The following MGAT3 variants were observed in gnomAD, a reference collection of about 807,000 sequenced individuals.
MGAT3 encodes beta-1,4-mannosyl-glycoprotein 4-beta-N-acetylglucosaminyltransferase, also known as GlcNAc-T III.
A neutral mutation model predicts 29.8 loss-of-function variants in MGAT3; 9 were observed. The ratio of observed to expected loss-of-function variants is 0.30; its 90% CI spans 0.18 to 0.53. MGAT3 has a LOEUF of 0.53. Among genes scored for constraint, MGAT3 ranks in the 20% least tolerant of loss-of-function variants. The pLI, the probability that MGAT3 is intolerant of heterozygous loss-of-function variation, is 0.96. For missense variants in MGAT3, 557 were observed against 769.5 expected (o/e 0.72, Z 3.27); for synonymous variants, 397 against 348.9 (o/e 1.14, Z -1.54).
chr22:39,465,371 C>T (rs1036618806), intron 1 of MGAT3, among the ~76,000 whole-genome samples: 1 of 152,182 alleles, frequency 6.6e-6, no homozygotes, highest in Admixed American at 6.5e-5. Context: ...GGCTGATACC[C>T]TGGGCTCAGC....
At chr22:39,470,527 G>T (rs1309210722) in intron 1 of MGAT3, among the ~76,000 whole-genome samples, 1 of 152,196 alleles carries the variant, frequency 6.6e-6, no homozygotes, top group East Asian at 1.9e-4. Context: ...AGGGCCATGG[G>T]AGGGCTTGAG....
intron 1 of MGAT3, among the ~76,000 whole-genome samples, chr22:39,475,553 A>G (rs552134342): frequency 3.9e-5 from 6 of 152,202 alleles, no homozygotes; most frequent in Non-Finnish European, 5.9e-5. Context: ...AGCCTCTCTC[A>G]GCCAAGACCT....
chr22:39,467,080 A>C (rs542769055), intron 1 of MGAT3, among the ~76,000 whole-genome samples: 33 of 152,342 alleles, frequency 2.2e-4, no homozygotes, highest in Middle Eastern at 3.4e-3. Context: ...TGCATGCTAC[A>C]TGTGTATGCA....
At chr22:39,485,537 T>C (rs946680591) in intron 1 of MGAT3, among the ~76,000 whole-genome samples, 1 of 152,204 alleles carries the variant, frequency 6.6e-6, no homozygotes, top group East Asian at 1.9e-4. Context: ...ATGCCTGTAA[T>C]CTCAGCACTT....
At chr22:39,465,065 T>A (rs1420925275) in intron 1 of MGAT3, among the ~76,000 whole-genome samples, 1 of 152,184 alleles carries the variant, frequency 6.6e-6, no homozygotes, top group Non-Finnish European at 1.5e-5. Context: ...TCTGTCAGGC[T>A]TTATCTTTCT....
chr22:39,473,254 G>A lies in MGAT3; in HGVS notation c.-1-14093G>A, dbSNP rs550981837. ...TCTGTAAACAGCAGAACTTTCTCAC[G>A]GATCTGGAGGCTGGGAAGTCCAGGG... On this transcript the variant is annotated intron_variant, in intron 1 of 1. Coordinates refer to ENST00000341184, the MANE Select transcript of MGAT3 (RefSeq NM_002409.5). 2.6e-5 allele frequency among the ~76,000 whole-genome samples: 4 copies of A among 152,278 alleles called. No individual in the cohort carries two copies. The South Asian group carries it at 6.2e-4, about 24-fold the overall frequency.
At chr22:39,475,558 A>C (rs1840412145) in intron 1 of MGAT3, among the ~76,000 whole-genome samples, 1 of 152,092 alleles carries the variant, frequency 6.6e-6, no homozygotes, top group African/African-American at 2.4e-5. Flanking sequence ...CTCTCAGCCA[A>C]GACCTTGGCA....
chr22:39,486,875 T>C (rs569518470), intron 1 of MGAT3, among the ~76,000 whole-genome samples: 326 of 152,300 alleles, frequency 2.1e-3, no homozygotes, highest in Non-Finnish European at 2.4e-3. Flanking sequence ...TGAAAAAATA[T>C]TCAAAAGGTT....
At chr22:39,465,414 G>A (rs1928613268) in intron 1 of MGAT3, among the ~76,000 whole-genome samples, 3 of 152,176 alleles carry the variant, frequency 2.0e-5, no homozygotes, top group Non-Finnish European at 2.9e-5. Context: ...CTTGGGATAT[G>A]GGCACAAGTG....
Position 39,488,187 on chromosome 22 carries a change from C to T in MGAT3, c.840C>T (p.Gly280=). ...TCTTCCTGGACCACTTCCCGCCCGG[C>T]GGCCGGCAGGACGGCTGGATCGCCG... is the stretch of plus-strand genomic sequence containing the variant. ...LYVFLDHFPP[G]GRQDGWIADD... Residue 280 remains glycine, a synonymous_variant, in exon 2 of 2, where the codon GGC becomes GGT. Transcript: ENST00000341184. The T allele has an allele frequency of 6.2e-7, 1 of 1,612,946 alleles. No individual in the cohort carries two copies. The highest frequency in any genetic ancestry group is 8.5e-7 in the Non-Finnish European group (1 of 1,179,920).
At chr22:39,478,610 C>T (rs1456393115) in intron 1 of MGAT3, among the ~76,000 whole-genome samples, 3 of 152,312 alleles carry the variant, frequency 2.0e-5, no homozygotes, top group South Asian at 4.1e-4. Flanking sequence ...CTCAGGACCA[C>T]GGAGAGCTCC....
chr22:39,477,897 C>T (rs989056852), intron 1 of MGAT3, among the ~76,000 whole-genome samples: 1 of 152,212 alleles, frequency 6.6e-6, no homozygotes, highest in South Asian at 2.1e-4. Flanking sequence ...GAGACAGAAA[C>T]GGTTATACCT....
rs1317461499 is a variant in MGAT3 at position 39,487,837 on chromosome 22, G to A, written c.490G>A (p.Ala164Thr). Residue 164 changes from alanine (A) to threonine (T), a missense_variant, in exon 2 of 2, where the codon GCC becomes ACC. Around this residue, in one of 3 missense-constraint regions of MGAT3, gnomAD observed 212 missense variants for 228.5 expected, o/e 0.93. Transcript: ENST00000341184. This position sits in a 1 kb window ranked among gnomAD's most constrained non-coding sequence, Gnocchi z 5.7. ...CCGGGAGCGCACGGGGGGCCGAGGC[G>A]CCCGGCGCAAGTGGGTGGAGTGCGT... The part of the protein sequence containing the change: ...SARERTGGRG[A>T]RRKWVECVCL... 3.3e-6 allele frequency: 5 copies of A among 1,511,894 alleles called. No homozygotes were observed. The highest frequency in any genetic ancestry group is 4.4e-6 in the Non-Finnish European group (5 of 1,133,884). The allele number at this position is 1,511,894 out of a possible 1,614,324, so 93.7% of individuals were successfully genotyped here.
chr22:39,482,654 A>G (rs762449014), intron 1 of MGAT3, among the ~76,000 whole-genome samples: 3 of 152,234 alleles, frequency 2.0e-5, no homozygotes, highest in Non-Finnish European at 2.9e-5. Flanking sequence ...ATGAAAAGAC[A>G]AAAAGGAATT....
intron 1 of MGAT3, among the ~76,000 whole-genome samples, chr22:39,477,302 G>A (rs1928993486): frequency 6.6e-6 from 1 of 152,220 alleles, no homozygotes; most frequent in Admixed American, 6.5e-5. Context: ...GCAGGCCTCG[G>A]CTGGGCCGGA....
rs917441893 is a variant in MGAT3, at chr22:39,490,182, A to G, written c.*1233A>G. 1.2e-5 allele frequency: 2 copies of G among 167,038 alleles called. No individual in the cohort carries two copies. The highest frequency in any genetic ancestry group is 4.8e-5 in the African/African-American group (2 of 41,420). 10.3% of individuals were successfully genotyped at this position (167,038 alleles called of 1,614,324 possible). On this transcript the variant is annotated 3_prime_UTR_variant, in exon 2 of 2. Transcript: ENST00000341184. Reference sequence around the variant, plus strand: ...TGCGTTTCTTCATACGCACCTTCCAATTCTGGGTACACAGCGGCTGCTCCA... The same window carrying G: ...TGCGTTTCTTCATACGCACCTTCCAGTTCTGGGTACACAGCGGCTGCTCCA...
chr22:39,470,127 C>G (rs1928767470), intron 1 of MGAT3, among the ~76,000 whole-genome samples: 1 of 152,234 alleles, frequency 6.6e-6, no homozygotes, highest in Non-Finnish European at 1.5e-5. Context: ...TGTGGTGACC[C>G]TGCTCTCCTG....
Position 39,488,982 on chromosome 22 carries a change from C to A in MGAT3, c.*33C>A. On this transcript the variant is annotated 3_prime_UTR_variant, in exon 2 of 2. Transcript: ENST00000341184. ...TGATCTGATAGGGTTTGTGACAGGG[C>A]GGGGGTGGCGGCGGCCCCTAGCGCT... is the stretch of plus-strand genomic sequence containing the variant. The A allele has an allele frequency of 1.5e-6, 2 of 1,311,758 alleles. No individual in the cohort carries two copies. Among genetic ancestry groups the A allele is most frequent in the Admixed American group, 2.2e-5 (1 of 44,512 alleles). 81.3% of individuals were successfully genotyped at this position (1,311,758 alleles called of 1,614,324 possible).
At chr22:39,481,096 G>T (rs2145723449) in intron 1 of MGAT3, among the ~76,000 whole-genome samples, 1 of 152,338 alleles carries the variant, frequency 6.6e-6, no homozygotes, top group South Asian at 2.1e-4. Flanking sequence ...CATGCCTCCA[G>T]GCCCTGTGAT....
Sources: allele counts gnomAD v4.1 joint callset (sites outside exome capture counted in the v4.1 genomes callset), GRCh38; gene constraint gnomAD v4.1.1; regional missense constraint gnomAD v4.1.1; non-coding constraint Gnocchi (gnomAD v3.1); transcripts MANE v1.5; gene names NCBI Gene and HGNC (gene_info 2026-07-23, HGNC 2026-07-21).